The following EPS15 variants were observed in gnomAD, a reference collection of about 807,000 sequenced individuals.
EPS15 encodes epidermal growth factor receptor pathway substrate 15.
In EPS15, 72 loss-of-function variants were observed where a neutral mutation model predicts 113.8. That is an observed-to-expected ratio of 0.63 (90% CI 0.52 to 0.77). The LOEUF (loss-of-function observed/expected upper bound fraction) is 0.77, where lower values mean the gene tolerates loss of function less well. Ranked by LOEUF, EPS15 falls within the 30% of genes least tolerant of loss-of-function variation. The pLI, the probability that EPS15 is intolerant of heterozygous loss-of-function variation, is 0.00. For missense variants in EPS15, 1,048 were observed against 1,045.8 expected (o/e 1.00, Z -0.03); for synonymous variants, 344 against 363.4 (o/e 0.95, Z 0.61).
In EPS15 at chr1:51,496,345, A is replaced by G. The variant is rs145786004; in HGVS notation, c.34-15031T>C. On this transcript the variant is annotated intron_variant, in intron 1 of 24. Coordinates refer to ENST00000371733, the MANE Select transcript of EPS15 (RefSeq NM_001981.3). The stretch of plus-strand genomic sequence containing the variant: ...TATTATTTTCCCCATTATCGTACTA[A>G]GCTCTTTCATATGAATTGTAACATT... 6.1e-3 allele frequency among the ~76,000 whole-genome samples: 926 copies of G among 152,280 alleles called. 3 individuals are homozygous for G. The highest frequency in any genetic ancestry group is 9.0e-3 in the Non-Finnish European group (613 of 67,980).
chr1:51,395,216 T>C (rs1012985033), intron 20 of EPS15, among the ~76,000 whole-genome samples: 2 of 152,206 alleles, frequency 1.3e-5, no homozygotes, highest in African/African-American at 4.8e-5. Context: ...AGAGTTCCCA[T>C]GCACTTTTCA....
At chr1:51,425,034 C>A (rs1037117346) in intron 12 of EPS15, among the ~76,000 whole-genome samples, 1 of 152,146 alleles carries the variant, frequency 6.6e-6, no homozygotes, top group African/African-American at 2.4e-5. Flanking sequence ...ATGAAATGAT[C>A]CTACTCATCC....
intron 1 of EPS15, among the ~76,000 whole-genome samples, chr1:51,501,224 A>G (rs1570437873): frequency 6.6e-6 from 1 of 151,608 alleles, no homozygotes; most frequent in South Asian, 2.1e-4. Context: ...CCTGGCCAAC[A>G]TGGGGAAACC....
chr1:51,511,371 C>A (rs916119781), intron 1 of EPS15, among the ~76,000 whole-genome samples: 13 of 151,338 alleles, frequency 8.6e-5, no homozygotes, highest in Admixed American at 8.6e-4. Context: ...TGATGCACGC[C>A]TGTAATCCCA....
intron 1 of EPS15, among the ~76,000 whole-genome samples, chr1:51,491,464 T>C (rs56360606): frequency 0.03 from 4,570 of 152,238 alleles, 74 homozygotes; most frequent in African/African-American, 0.05. Flanking sequence ...ACAGAACATT[T>C]AGAAGCTTTT....
chr1:51,485,949 C>A (rs1644113539), intron 1 of EPS15, among the ~76,000 whole-genome samples: 1 of 151,910 alleles, frequency 6.6e-6, no homozygotes, highest in African/African-American at 2.4e-5. Flanking sequence ...AGGTGCCCGC[C>A]ACCACATCCA....
chr1:51,481,875 T>C (rs929785546), intron 1 of EPS15, among the ~76,000 whole-genome samples: 1 of 152,196 alleles, frequency 6.6e-6, no homozygotes, highest in Non-Finnish European at 1.5e-5. Context: ...TGAAATTCAA[T>C]GTTTGAAGGA....
intron 1 of EPS15, among the ~76,000 whole-genome samples, chr1:51,488,663 C>T (rs996681689): frequency 1.3e-5 from 2 of 152,048 alleles, no homozygotes; most frequent in African/African-American, 4.8e-5. Flanking sequence ...AATCACACTG[C>T]TGCCTCAAAC....
chr1:51,364,176 C>T (rs996529889), intron 22 of EPS15, 148 bp from the exon 23 acceptor site: 2 of 551,186 alleles, frequency 3.6e-6, no homozygotes, highest in Non-Finnish European at 5.8e-6. Context: ...ATTCAGGGTC[C>T]AATGGGAGAA....
chr1:51,361,969 G>A (rs1047862536), intron 23 of EPS15, among the ~76,000 whole-genome samples: 1 of 152,188 alleles, frequency 6.6e-6, no homozygotes, highest in African/African-American at 2.4e-5. Flanking sequence ...TGCGGTTGCT[G>A]ATCAAATAAT....
At chr1:51,384,305 T>TC (rs1049109353) in intron 21 of EPS15, among the ~76,000 whole-genome samples, 1 of 145,358 alleles carries the variant, frequency 6.9e-6, no homozygotes, top group Non-Finnish European at 1.5e-5. Context: ...TTTCTTTTTT[T>TC]TTTTTTTTTT....
chr1:51,358,508 G>C (rs1184813034), intron 24 of EPS15, among the ~76,000 whole-genome samples: 1 of 151,894 alleles, frequency 6.6e-6, no homozygotes, highest in Non-Finnish European at 1.5e-5. Flanking sequence ...AAAATACACT[G>C]TCAGGCTTTT....
Position 51,457,204 on chromosome 1 carries a change from G to A in EPS15, c.561+3887C>T, listed in dbSNP as rs562416679. On this transcript the variant is annotated intron_variant, in intron 8 of 24. Transcript: ENST00000371733. ...CAGGAGGCTGAGGCAGGAGAATGGC[G>A]TGAACCCAGGAGGCGGAGCTTGCAG... Among the ~76,000 whole-genome samples, 1,454 of 152,050 alleles carry A rather than the reference G, an allele frequency of 9.6e-3. 14 individuals are homozygous for A. Among genetic ancestry groups the A allele is most frequent in the African/African-American group, 0.033 (1,382 of 41,470 alleles).
chr1:51,372,033 T>C (rs538834412), intron 21 of EPS15, among the ~76,000 whole-genome samples: 112 of 152,250 alleles, frequency 7.4e-4, no homozygotes, highest in Non-Finnish European at 1.4e-3. Flanking sequence ...CTAGGTTGTG[T>C]AGTAAGCTAC....
intron 21 of EPS15, among the ~76,000 whole-genome samples, chr1:51,388,209 C>G (rs1043075078): frequency 1.3e-5 from 2 of 152,234 alleles, no homozygotes; most frequent in African/African-American, 4.8e-5. Context: ...ACAACCTGCT[C>G]CTGAATGACT....
At chr1:51,425,372 A>G (rs1326370463) in intron 12 of EPS15, among the ~76,000 whole-genome samples, 5 of 152,228 alleles carry the variant, frequency 3.3e-5, no homozygotes, top group Non-Finnish European at 7.3e-5. Context: ...GTAGGGTGTA[A>G]GCCATCTGTC....
rs1652657713 is a variant in EPS15 at position 51,442,300 on chromosome 1, ATGCTATCAGAAATT to A, written c.955-1882_955-1869del. ...AGCAAGAGTAAATTACTTCACTTAA[ATGCTATCAGAAATT>A]TGCTATCAGAGGTGCAAATGTACCA... On this transcript the variant is annotated intron_variant, in intron 11 of 24. Transcript: ENST00000371733. Among the ~76,000 whole-genome samples, 2 of 152,136 alleles carry A rather than the reference ATGCTATCAGAAATT, an allele frequency of 1.3e-5. 1 individual carries two copies. Among genetic ancestry groups the A allele is most frequent in the East Asian group, 3.8e-4 (2 of 5,200 alleles).
chr1:51,506,843 G>C (rs1413126719), intron 1 of EPS15, among the ~76,000 whole-genome samples: 2 of 149,022 alleles, frequency 1.3e-5, no homozygotes, highest in Non-Finnish European at 3.0e-5. Context: ...AGAATGTAGA[G>C]AACAAACTAA....
At chr1:51,357,020 A>G (rs1220559879) in intron 24 of EPS15, among the ~76,000 whole-genome samples, 174 bp from the exon 25 acceptor site, 1 of 152,094 alleles carries the variant, frequency 6.6e-6, no homozygotes, top group Non-Finnish European at 1.5e-5. Context: ...CCAGTTATTA[A>G]GCTATAGTTT....
Sources: allele counts gnomAD v4.1 joint callset (sites outside exome capture counted in the v4.1 genomes callset), GRCh38; gene constraint gnomAD v4.1.1; transcripts MANE v1.5; gene names NCBI Gene and HGNC (gene_info 2026-07-23, HGNC 2026-07-21).